SERINC5: variants seen among roughly 807,000 people sequenced by gnomAD.
SERINC5 encodes the protein chromosome 5 open reading frame 12.
SERINC5 carries 41 observed loss-of-function variants against 63.1 expected under a neutral mutation model. The ratio of observed to expected loss-of-function variants is 0.65; its 90% CI spans 0.51 to 0.84. SERINC5 has a LOEUF of 0.84. Ranked by LOEUF, SERINC5 falls within the 40% of genes least tolerant of loss-of-function variation. The pLI is 0.00. For missense variants in SERINC5, 523 were observed against 573.0 expected (o/e 0.91, Z 0.89); for synonymous variants, 222 against 215.2 (o/e 1.03, Z -0.28).
chr5:80,242,737 G>A (rs891603954), intron 1 of SERINC5, among the ~76,000 whole-genome samples: 2 of 151,962 alleles, frequency 1.3e-5, no homozygotes, highest in African/African-American at 4.8e-5. Context: ...GTGACAGAGT[G>A]AGACTCCATC....
chr5:80,252,467 G>A (rs141260753), intron 1 of SERINC5, among the ~76,000 whole-genome samples: 1 of 152,212 alleles, frequency 6.6e-6, no homozygotes, highest in African/African-American at 2.4e-5. Flanking sequence ...TGTCTCTAGG[G>A]GCCTAGCACA....
At chr5:80,153,503 G>A (rs932052908) in intron 8 of SERINC5, among the ~76,000 whole-genome samples, 9 of 151,904 alleles carry the variant, frequency 5.9e-5, no homozygotes, top group African/African-American at 1.9e-4. Context: ...TTAAAGCCTA[G>A]GAAATTCTTA....
intron 2 of SERINC5, among the ~76,000 whole-genome samples, chr5:80,180,000 T>C (rs1041878466): frequency 3.3e-5 from 5 of 152,184 alleles, no homozygotes; most frequent in African/African-American, 1.2e-4. Flanking sequence ...ATTCAGCATC[T>C]TTTCTCAAGT....
At chr5:80,232,589 G>A (rs188767551) in intron 1 of SERINC5, among the ~76,000 whole-genome samples, 1 of 151,978 alleles carries the variant, frequency 6.6e-6, no homozygotes, top group Non-Finnish European at 1.5e-5. Flanking sequence ...TTCAAGACCA[G>A]CCTGGCCAAC....
At chr5:80,130,307 G>C (rs1744892205) in intron 11 of SERINC5, among the ~76,000 whole-genome samples, 1 of 152,080 alleles carries the variant, frequency 6.6e-6, no homozygotes, top group Admixed American at 6.5e-5. Flanking sequence ...TTGAACCCAG[G>C]AGGCAGAGGT....
At position 80,215,270 on chromosome 5, in the gene SERINC5, C is replaced by A. The variant is rs183619215; in HGVS notation, c.28-12217G>T. Among the ~76,000 whole-genome samples the A allele has an allele frequency of 6.1e-4, 92 of 151,010 alleles. 3 individuals are homozygous for A. In the East Asian group the frequency reaches 0.017, roughly 28 times the overall value. ...CATCTGAAGTGTGGGATATCTCCCA[C>A]TCTCTCTCTCTCTTGCTCCTGCTCC... On this transcript the variant is annotated intron_variant, in intron 1 of 11. Transcript: ENST00000507668.
intron 2 of SERINC5, among the ~76,000 whole-genome samples, chr5:80,191,653 G>C (rs1231797194): frequency 7.1e-6 from 1 of 141,636 alleles, no homozygotes; most frequent in Non-Finnish European, 1.5e-5. Flanking sequence ...ACAGGGCAAG[G>C]CCCTGTCTCT....
At chr5:80,164,508 A>G (rs928562689) in intron 7 of SERINC5, among the ~76,000 whole-genome samples, 1 of 152,098 alleles carries the variant, frequency 6.6e-6, no homozygotes, top group African/African-American at 2.4e-5. Flanking sequence ...CAGCCTCCAG[A>G]GTAGCTGGGA....
chr5:80,180,198 G>A (rs1418311591), intron 2 of SERINC5, among the ~76,000 whole-genome samples: 1 of 152,136 alleles, frequency 6.6e-6, no homozygotes, highest in Non-Finnish European at 1.5e-5. Context: ...CTTACACAAT[G>A]AGAACAAGCA....
At position 80,140,090 on chromosome 5, in the gene SERINC5, G is replaced by A. The variant is rs765025130; in HGVS notation, c.*3573C>T. 5 of 969,966 alleles carry A rather than the reference G, an allele frequency of 5.2e-6. No homozygotes were observed. The highest frequency in any genetic ancestry group is 6.1e-6 in the Non-Finnish European group (5 of 815,930). 60.1% of individuals were successfully genotyped at this position (969,966 alleles called of 1,614,324 possible). A position where few individuals can be genotyped will look rare whatever the true frequency, so the allele number is the denominator to read the frequency against. On this transcript the variant is annotated 3_prime_UTR_variant, in exon 12 of 12. Transcript: ENST00000507668. Reference sequence around the variant, plus strand: ...TACGCCTATAATCCCAGCACTTTGGGAAGCCAAGGCGGGCACATTGCTTGA... The same window carrying A: ...TACGCCTATAATCCCAGCACTTTGGAAAGCCAAGGCGGGCACATTGCTTGA...
At chr5:80,185,176 G>GT (rs1177123966) in intron 2 of SERINC5, among the ~76,000 whole-genome samples, 10 of 151,996 alleles carry the variant, frequency 6.6e-5, no homozygotes, top group Non-Finnish European at 1.5e-4. Context: ...CATGCAGGCT[G>GT]TATGTTGTTT....
intron 2 of SERINC5, chr5:80,198,499 C>T: frequency 1.0e-6 from 1 of 985,002 alleles, no homozygotes. Flanking sequence ...ACCCACATAC[C>T]AAAGACCCAC....
At chr5:80,118,342 C>T (rs1047151259) in intron 11 of SERINC5, among the ~76,000 whole-genome samples, 2 of 152,130 alleles carry the variant, frequency 1.3e-5, no homozygotes, top group South Asian at 4.1e-4. Context: ...AACCATCTAT[C>T]TTAGACTGTT....
intron 1 of SERINC5, among the ~76,000 whole-genome samples, chr5:80,235,468 A>T (rs1400119891): frequency 3.3e-5 from 5 of 152,252 alleles, no homozygotes; most frequent in African/African-American, 1.2e-4. Context: ...TATGATTCAG[A>T]CATTATGACA....
In SERINC5 at chr5:80,255,918, G is replaced by A. The variant is rs754586501; in HGVS notation, c.5C>T (p.Ser2Leu). 6.4e-7 allele frequency: 1 copy of A among 1,565,902 alleles called. No individual in the cohort carries two copies. The highest frequency in any genetic ancestry group is 1.8e-5 in the Admixed American group (1 of 55,640). Residue 2 changes from serine (S) to leucine (L), a missense_variant, in exon 1 of 12, where the codon TCA becomes TTA. Ser to Leu is a moderately radical substitution (Grantham distance 145, BLOSUM62 -2). Transcript: ENST00000507668. Reference protein sequence around the residue: MSAQCCAGQLAC... With the variant: MLAQCCAGQLAC... Reference sequence around the variant, plus strand: ...CACCTGGCCCGCACAGCACTGAGCTGACATCGCGGCGGCCAATGCCGAAGG... The same window carrying A: ...CACCTGGCCCGCACAGCACTGAGCTAACATCGCGGCGGCCAATGCCGAAGG...
At chr5:80,251,650 G>C (rs1752426724) in intron 1 of SERINC5, among the ~76,000 whole-genome samples, 1 of 151,022 alleles carries the variant, frequency 6.6e-6, no homozygotes. Context: ...GAATCGCTTG[G>C]ACCCGGGAGG....
chr5:80,163,787 A>AT (rs2112364062), intron 7 of SERINC5, among the ~76,000 whole-genome samples: 1 of 151,770 alleles, frequency 6.6e-6, no homozygotes, highest in South Asian at 2.1e-4. Context: ...TTTGTTGAAG[A>AT]TTTTTCCATC....
chr5:80,212,200 T>C (rs767262272), intron 1 of SERINC5, among the ~76,000 whole-genome samples: 26 of 152,202 alleles, frequency 1.7e-4, no homozygotes, highest in Non-Finnish European at 7.3e-5. Context: ...TGTTCCTTAA[T>C]AAACGGCAGT....
intron 5 of SERINC5, among the ~76,000 whole-genome samples, chr5:80,172,516 A>G (rs1747734766): frequency 1.3e-5 from 2 of 152,210 alleles, no homozygotes; most frequent in Non-Finnish European, 2.9e-5. Context: ...AAAGTGTTCA[A>G]GCAACCCAGC....
Sources: gnomAD v4.1 joint callset for allele counts (sites outside exome capture counted in the v4.1 genomes callset) on GRCh38, gnomAD v4.1.1 for gene constraint, MANE v1.5 for transcripts, NCBI Gene and HGNC (gene_info 2026-07-23, HGNC 2026-07-21) for gene names.